Variants in LRP1B observed in about 807,000 individuals in gnomAD.
LRP1B encodes low-density lipoprotein receptor-related protein 1B.
A neutral mutation model predicts 556.6 loss-of-function variants in LRP1B; 217 were observed. The observed-to-expected ratio is 0.39, with a 90% CI of 0.35 to 0.44. The LOEUF (loss-of-function observed/expected upper bound fraction) is 0.44. Among genes scored for constraint, LRP1B ranks in the 20% least tolerant of loss-of-function variants. LRP1B has a pLI of 1.00. For missense variants in LRP1B, 5,053 were observed against 5,620.8 expected, an observed-to-expected ratio of 0.90 and a Z score of 3.23; for synonymous variants, 2,047 against 1,865.8, an observed-to-expected ratio of 1.10 and a Z score of -2.50.
At chr2:140,417,946 T>C (rs374649012) in intron 66 of LRP1B, among the ~76,000 whole-genome samples, 1 of 152,208 alleles carries the variant, frequency 6.6e-6, no homozygotes, top group African/African-American at 2.4e-5. Flanking sequence ...TGAAGTAAGA[T>C]GGGTTTCTAA....
At chr2:141,464,108 T>G (rs1441528765) in intron 3 of LRP1B, among the ~76,000 whole-genome samples, 3 of 151,902 alleles carry the variant, frequency 2.0e-5, no homozygotes, top group Middle Eastern at 3.2e-3. Context: ...CACTGACTGG[T>G]TAGGTGAAGA....
At chr2:140,908,862 C>T (rs1694336534) in intron 21 of LRP1B, among the ~76,000 whole-genome samples, 1 of 152,148 alleles carries the variant, frequency 6.6e-6, no homozygotes, top group South Asian at 2.1e-4. Context: ...TGCAATGGTG[C>T]AATCTCCATT....
rs1194170233 is a variant in LRP1B at position 141,423,312 on chromosome 2, TTTTTA to T, written c.343+57079_343+57083del. ...GAGCTTTTTTTTTTTTTTTTTTTTT[TTTTTA>T]AGGGCAAATATTTCCCACACTTGAT... On this transcript the variant is annotated intron_variant, in intron 3 of 90. Coordinates refer to ENST00000389484, the MANE Select transcript of LRP1B (RefSeq NM_018557.3). Among the ~76,000 whole-genome samples the T allele has an allele frequency of 8.9e-4, 99 of 111,056 alleles. 1 individual carries two copies. The highest frequency in any genetic ancestry group is 1.9e-3 in the African/African-American group (66 of 34,734). 72.9% of individuals were successfully genotyped at this position (111,056 alleles called of 152,430 possible).
intron 3 of LRP1B, among the ~76,000 whole-genome samples, chr2:141,272,598 T>C (rs575255597): frequency 1.3e-5 from 2 of 151,862 alleles, no homozygotes; most frequent in South Asian, 4.2e-4. Flanking sequence ...AAGATACAAA[T>C]AGGTGGAAAG....
intron 5 of LRP1B, 152 bp downstream of exon 5, chr2:141,247,074 G>T: frequency 1.3e-6 from 1 of 777,036 alleles, no homozygotes; most frequent in Non-Finnish European, 2.0e-6. Context: ...GAATTGCTCT[G>T]GATTCCTAAC....
chr2:141,768,847 G>T (rs1015597096), intron 2 of LRP1B, among the ~76,000 whole-genome samples: 3 of 151,040 alleles, frequency 2.0e-5, no homozygotes, highest in African/African-American at 7.3e-5. Context: ...GTTATAGTAG[G>T]TATCACTGTA....
At chr2:141,025,200 G>C (rs1698183979) in intron 11 of LRP1B, among the ~76,000 whole-genome samples, 1 of 151,984 alleles carries the variant, frequency 6.6e-6, no homozygotes, top group South Asian at 2.1e-4. Flanking sequence ...ACTCTTATGG[G>C]AATTCTGCAC....
intron 84 of LRP1B, among the ~76,000 whole-genome samples, chr2:140,282,827 G>A (rs1036786336): frequency 2.6e-5 from 4 of 151,734 alleles, no homozygotes; most frequent in African/African-American, 9.7e-5. Flanking sequence ...TTCAAAGCAT[G>A]GGATTCTCAC....
chr2:140,443,748 A>G (rs529800996), intron 65 of LRP1B, among the ~76,000 whole-genome samples: 2 of 152,268 alleles, frequency 1.3e-5, no homozygotes, highest in East Asian at 1.9e-4. Flanking sequence ...TTGAATTTTG[A>G]TGGAAGATGG....
chr2:141,187,717 AT>A (rs1681319885), intron 7 of LRP1B, among the ~76,000 whole-genome samples: 1 of 152,016 alleles, frequency 6.6e-6, no homozygotes, highest in Admixed American at 6.6e-5. Flanking sequence ...GATGATGGGA[AT>A]TTAAACATTT....
intron 35 of LRP1B, among the ~76,000 whole-genome samples, chr2:140,726,005 C>T (rs1687581737): frequency 6.6e-6 from 1 of 152,174 alleles, no homozygotes; most frequent in Admixed American, 6.5e-5. Context: ...GAGACAGCCA[C>T]AACTCAGAGA....
intron 86 of LRP1B, among the ~76,000 whole-genome samples, chr2:140,260,922 T>G (rs936708136): frequency 2.0e-5 from 3 of 151,514 alleles, no homozygotes; most frequent in Non-Finnish European, 4.4e-5. Flanking sequence ...CAAAGCCAAT[T>G]TTTTTTTGTC....
chr2:141,052,533 T>C (rs1229262716), intron 10 of LRP1B, among the ~76,000 whole-genome samples: 1 of 152,080 alleles, frequency 6.6e-6, no homozygotes, highest in African/African-American at 2.4e-5. Flanking sequence ...TTATTACAAA[T>C]ACATTTAATT....
At chr2:141,670,280 C>G (rs536698504) in intron 2 of LRP1B, among the ~76,000 whole-genome samples, 1 of 152,040 alleles carries the variant, frequency 6.6e-6, no homozygotes, top group Non-Finnish European at 1.5e-5. Context: ...TCCCTGGAAC[C>G]AAGTAGGTGC....
chr2:142,043,522 T>G (rs899490648), intron 1 of LRP1B, among the ~76,000 whole-genome samples: 1 of 151,668 alleles, frequency 6.6e-6, no homozygotes, highest in East Asian at 1.9e-4. Context: ...ATAGTGTTTA[T>G]ATTTTGGATG....
chr2:141,838,219 T>A (rs1217166712), intron 1 of LRP1B, among the ~76,000 whole-genome samples: 2 of 151,258 alleles, frequency 1.3e-5, no homozygotes, highest in African/African-American at 2.4e-5. Flanking sequence ...GACATAGACA[T>A]GACAACCAAC....
In LRP1B at chr2:141,423,290, C is replaced by CCTTTTT. The variant is rs1321976263; in HGVS notation, c.343+57105_343+57106insAAAAAG. The stretch of plus-strand genomic sequence containing the variant: ...CCCTCTCACTAGGCAACAGCCAGAG[C>CCTTTTT]TTTTTTTTTTTTTTTTTTTTTTTTT... On this transcript the variant is annotated intron_variant, in intron 3 of 90. Coordinates refer to ENST00000389484, the MANE Select transcript of LRP1B (RefSeq NM_018557.3). Among the ~76,000 whole-genome samples the CCTTTTT allele has an allele frequency of 4.4e-5, 3 of 68,370 alleles. 1 individual carries two copies. The highest frequency in any genetic ancestry group is 5.9e-5 in the Non-Finnish European group (2 of 33,614). 44.9% of individuals were successfully genotyped at this position (68,370 alleles called of 152,430 possible).
chr2:141,030,318 T>C (rs993645080), intron 11 of LRP1B, among the ~76,000 whole-genome samples: 1 of 152,012 alleles, frequency 6.6e-6, no homozygotes, highest in Non-Finnish European at 1.5e-5. Context: ...ATTTTGAAAA[T>C]GTTTGTCTCA....
At chr2:141,067,567 T>C (rs573574760) in intron 7 of LRP1B, among the ~76,000 whole-genome samples, 11 of 152,012 alleles carry the variant, frequency 7.2e-5, no homozygotes, top group African/African-American at 1.2e-4. Context: ...TGTACGTGTA[T>C]TGGATATGTC....
Sources: gnomAD v4.1 joint callset for allele counts (sites outside exome capture counted in the v4.1 genomes callset) on GRCh38, gnomAD v4.1.1 for gene constraint, MANE v1.5 for transcripts, NCBI Gene and HGNC (gene_info 2026-07-23, HGNC 2026-07-21) for gene names.